Variants in MTCL3 observed in about 807,000 individuals in gnomAD.
MTCL3 encodes the protein MTCL family member 3, also known as microtubule cross-linking factor 3.
chr6:127,476,034 G>C, the MTCL3 span: 2 of 1,611,196 alleles, frequency 1.2e-6, no homozygotes, highest in Non-Finnish European at 1.7e-6. The surrounding 1 kb of genome is among the most constrained non-coding windows in gnomAD (Gnocchi z 4.4). Flanking sequence ...CCTCCAGGTC[G>C]GCCACGTTCC....
chr6:127,480,348 C>A, the MTCL3 span, among the ~76,000 whole-genome samples: 1 of 152,234 alleles, frequency 6.6e-6, no homozygotes, highest in South Asian at 2.1e-4. Context: ...TCAACCTAGG[C>A]AGCCTGGCCC....
chr6:127,504,694 T>G, the MTCL3 span, among the ~76,000 whole-genome samples: 1 of 152,158 alleles, frequency 6.6e-6, no homozygotes, highest in African/African-American at 2.4e-5. Context: ...CTGCATGAGG[T>G]TGATGTCTGT....
chr6:127,481,219 G>A, the MTCL3 span: 1 of 796,678 alleles, frequency 1.3e-6, no homozygotes, highest in Admixed American at 6.2e-5. Context: ...TAGGACAAAT[G>A]TAGATACAGC....
At chr6:127,476,147 AG>A in the MTCL3 span, 1 of 1,614,122 alleles carries the variant, frequency 6.2e-7, no homozygotes, top group Non-Finnish European at 8.5e-7. This position sits in a 1 kb window ranked among gnomAD's most constrained non-coding sequence, Gnocchi z 4.4. Flanking sequence ...GAGCCGTTGA[AG>A]TCATCGCCCC....
the MTCL3 span, chr6:127,518,461 T>C: frequency 3.0e-4 from 46 of 152,314 alleles, no homozygotes; most frequent in African/African-American, 1.1e-3. Context: ...CGGTGAAAAT[T>C]ATCACCCAAC....
the MTCL3 span, among the ~76,000 whole-genome samples, chr6:127,506,796 G>C: frequency 1.3e-5 from 2 of 151,976 alleles, no homozygotes; most frequent in African/African-American, 4.8e-5. Context: ...AGCCAGGGTG[G>C]TCTCGATCTC....
the MTCL3 span, chr6:127,515,057 T>C: frequency 6.2e-7 from 1 of 1,612,264 alleles, no homozygotes; most frequent in South Asian, 1.1e-5. The surrounding 1 kb of genome is among the most constrained non-coding windows in gnomAD (Gnocchi z 4.3). Flanking sequence ...TCTGAGGCGG[T>C]GACAGGCCGC....
the MTCL3 span, among the ~76,000 whole-genome samples, chr6:127,511,999 T>C: frequency 6.6e-6 from 1 of 152,348 alleles, no homozygotes; most frequent in Middle Eastern, 3.4e-3. Context: ...AGACAACTTG[T>C]GCATTTGCTA....
At chr6:127,494,964 G>T in the MTCL3 span, among the ~76,000 whole-genome samples, 7,466 of 152,136 alleles carry the variant, frequency 0.049, 494 homozygotes, top group African/African-American at 0.15. Flanking sequence ...TTGGGAGGCC[G>T]AGTCGGGCAG....
the MTCL3 span, among the ~76,000 whole-genome samples, chr6:127,495,147 A>T: frequency 6.6e-6 from 1 of 151,962 alleles, no homozygotes. Context: ...CAGTGAGCCA[A>T]GATCAAGCCC....
At chr6:127,484,053 T>A in the MTCL3 span, among the ~76,000 whole-genome samples, 1 of 152,198 alleles carries the variant, frequency 6.6e-6, no homozygotes, top group South Asian at 2.1e-4. Flanking sequence ...AAAAAATACT[T>A]GCTGAACTAA....
the MTCL3 span, chr6:127,476,389 A>G: frequency 3.1e-6 from 5 of 1,613,314 alleles, no homozygotes; most frequent in African/African-American, 4.0e-5. This position sits in a 1 kb window ranked among gnomAD's most constrained non-coding sequence, Gnocchi z 4.4. Context: ...TTCTTTATCA[A>G]TCTTGGCCAT....
chr6:127,516,501 T>TCG, the MTCL3 span: 2 of 1,599,360 alleles, frequency 1.3e-6, no homozygotes, highest in Non-Finnish European at 1.7e-6. Context: ...GTGACTGAGC[T>TCG]CGCTGCTGCT....
At chr6:127,475,464 T>A in the MTCL3 span, 32 of 1,613,262 alleles carry the variant, frequency 2.0e-5, no homozygotes, top group Non-Finnish European at 2.7e-5. This position sits in a 1 kb window ranked among gnomAD's most constrained non-coding sequence, Gnocchi z 7.3. Context: ...CGTCCATGAG[T>A]CCGAACAGGT....
the MTCL3 span, among the ~76,000 whole-genome samples, chr6:127,481,654 G>A: frequency 1.3e-5 from 2 of 151,646 alleles, no homozygotes; most frequent in Admixed American, 6.6e-5. Flanking sequence ...AATCACAAAA[G>A]TATACTACAG....
the MTCL3 span, among the ~76,000 whole-genome samples, chr6:127,496,931 T>A: frequency 6.6e-6 from 1 of 152,208 alleles, no homozygotes; most frequent in African/African-American, 2.4e-5. Context: ...CCACATACAG[T>A]GCAATTTCAT....
At chr6:127,496,170 A>G in the MTCL3 span, among the ~76,000 whole-genome samples, 2 of 152,260 alleles carry the variant, frequency 1.3e-5, no homozygotes. Context: ...GAAGTTAAGG[A>G]AAGTAATCAA....
At chr6:127,495,913 G>C in the MTCL3 span, among the ~76,000 whole-genome samples, 1 of 152,068 alleles carries the variant, frequency 6.6e-6, no homozygotes, top group Admixed American at 6.6e-5. Flanking sequence ...GCATGGCAAC[G>C]CTGGGTTAAA....
chr6:127,481,514 G>A, the MTCL3 span: 3 of 969,896 alleles, frequency 3.1e-6, no homozygotes, highest in Middle Eastern at 5.3e-4. Flanking sequence ...CAGGTACAGA[G>A]AGGAAAAAGG....
Sources: gnomAD v4.1 joint callset for allele counts (sites outside exome capture counted in the v4.1 genomes callset) on GRCh38, gnomAD v4.1.1 for gene constraint, Gnocchi (gnomAD v3.1) non-coding constraint, MANE v1.5 for transcripts, NCBI Gene and HGNC (gene_info 2026-07-23, HGNC 2026-07-21) for gene names.